The following TMEM255B variants were observed in gnomAD, a reference collection of about 807,000 sequenced individuals.
The protein encoded by TMEM255B is family with sequence similarity 70, member B.
Under a neutral mutation model 34.5 loss-of-function variants are expected in TMEM255B, and 35 were observed. That is an observed-to-expected ratio of 1.01 (90% CI 0.77 to 1.34). The LOEUF is 1.34. Among genes scored for constraint, TMEM255B ranks in the 40% most tolerant of loss-of-function variants. The pLI, the probability that TMEM255B is intolerant of heterozygous loss-of-function variation, is 0.00. For synonymous variants in TMEM255B, 206 were observed against 201.2 expected, an observed-to-expected ratio of 1.02 and a Z score of -0.20; for missense variants, 432 against 433.2, an observed-to-expected ratio of 1.00 and a Z score of 0.02.
At chr13:113,785,601 T>G (rs1005281419) in intron 3 of TMEM255B, among the ~76,000 whole-genome samples, 2 of 152,240 alleles carry the variant, frequency 1.3e-5, no homozygotes, top group African/African-American at 4.8e-5. Context: ...AACTTCTAAG[T>G]CAGCAGAAAT....
In TMEM255B at chr13:113,806,476, G is replaced by A. The variant is rs1337715297; in HGVS notation, c.813+1448G>A. Among the ~76,000 whole-genome samples, 1 of 152,124 alleles carries A rather than the reference G, an allele frequency of 6.6e-6. No individual in the cohort carries two copies. The highest frequency in any genetic ancestry group is 1.5e-5 in the Non-Finnish European group (1 of 67,994). On this transcript the variant is annotated intron_variant, in intron 8 of 8. Coordinates refer to ENST00000375353, the MANE Select transcript of TMEM255B (RefSeq NM_182614.4). This position sits in a 1 kb window ranked among gnomAD's most constrained non-coding sequence, Gnocchi z 4.2. The stretch of plus-strand genomic sequence containing the variant: ...ATACCTCAGTCTCCCCTCTCACTTC[G>A]AATATAAAGCTGGGGCCCTGCTCCC...
At chr13:113,801,904 A>T in intron 7 of TMEM255B, 92 bp downstream of exon 7, 1 of 1,370,236 alleles carries the variant, frequency 7.3e-7, no homozygotes, top group Non-Finnish European at 9.8e-7. Flanking sequence ...TCCAGCCCTC[A>T]CTTTACAGAT....
chr13:113,802,676 C>A lies in TMEM255B; in HGVS notation c.669+864C>A, dbSNP rs1463920780. 4.1e-5 allele frequency among the ~76,000 whole-genome samples: 5 copies of A among 122,040 alleles called. 1 individual carries two copies. Among genetic ancestry groups the A allele is most frequent in the Admixed American group, 2.4e-4 (3 of 12,428 alleles). 80.1% of individuals were successfully genotyped at this position (122,040 alleles called of 152,430 possible). A position where few individuals can be genotyped will look rare whatever the true frequency, so the allele number is the denominator to read the frequency against. On this transcript the variant is annotated intron_variant, in intron 7 of 8. Transcript: ENST00000375353. ...TGTCCATGACTAAAAATTAGCTCAGCTGGGAACCCTCCTGCCATCTGCTTC... is the reference window on the plus strand; with the variant it reads ...TGTCCATGACTAAAAATTAGCTCAGATGGGAACCCTCCTGCCATCTGCTTC...
intron 1 of TMEM255B, 95 bp downstream of exon 1, chr13:113,759,410 C>T (rs1293633281): frequency 1.8e-6 from 2 of 1,138,942 alleles, no homozygotes; most frequent in East Asian, 6.4e-5. Flanking sequence ...CCGGGCGGAA[C>T]CTGCGCGGAG....
intron 3 of TMEM255B, 119 bp from the exon 4 acceptor site, chr13:113,795,029 G>C: frequency 2.3e-6 from 2 of 860,714 alleles, no homozygotes; most frequent in South Asian, 3.0e-5. Flanking sequence ...AAAGGTAGAG[G>C]TGAGAAGAGG....
chr13:113,813,859 G>C lies in TMEM255B; in HGVS notation c.*1956G>C, dbSNP rs780389760. Reference sequence around the variant, plus strand: ...GGGCTGACTGGCCTTGAACCAGTCCGGGAGGTCGGGCACGAGCCGGAGGTG... The same window carrying C: ...GGGCTGACTGGCCTTGAACCAGTCCCGGAGGTCGGGCACGAGCCGGAGGTG... On this transcript the variant is annotated 3_prime_UTR_variant, in exon 9 of 9. Transcript: ENST00000375353. 6.6e-6 allele frequency: 1 copy of C among 152,210 alleles called. No individual in the cohort carries two copies. The highest frequency in any genetic ancestry group is 2.4e-5 in the African/African-American group (1 of 41,452). The allele number at this position is 152,210 out of a possible 1,614,324, so 9.4% of individuals were successfully genotyped here.
intron 5 of TMEM255B, chr13:113,799,852 GGCC>G: frequency 1.3e-6 from 1 of 759,812 alleles, no homozygotes; most frequent in Non-Finnish European, 2.1e-6. Context: ...ACCCGCGGGC[GGCC>G]GCCGCCTTCG....
chr13:113,768,938 G>A (rs772241544), intron 2 of TMEM255B, 160 bp from the exon 3 acceptor site: 4 of 743,634 alleles, frequency 5.4e-6, no homozygotes, highest in African/African-American at 3.5e-5. Flanking sequence ...GCCAGCAGAC[G>A]CACCTGCTGC....
intron 3 of TMEM255B, among the ~76,000 whole-genome samples, chr13:113,786,556 CAT>C (rs1434195291): frequency 3.9e-5 from 6 of 151,990 alleles, no homozygotes; most frequent in African/African-American, 9.7e-5. Flanking sequence ...CCATCGTCAA[CAT>C]CATCACCGTC....
At chr13:113,794,739 T>C (rs550025797) in intron 3 of TMEM255B, among the ~76,000 whole-genome samples, 20 of 152,250 alleles carry the variant, frequency 1.3e-4, no homozygotes, top group African/African-American at 4.3e-4. Context: ...CCAAGACCAT[T>C]AGGTAGGAAA....
chr13:113,782,330 G>GAAAT (rs2050676377), intron 3 of TMEM255B, among the ~76,000 whole-genome samples: 1 of 152,178 alleles, frequency 6.6e-6, no homozygotes, highest in South Asian at 2.1e-4. Flanking sequence ...CCTAAATAAT[G>GAAAT]AAATAGCTGT....
chr13:113,763,191 C>T (rs1398500526), intron 1 of TMEM255B, among the ~76,000 whole-genome samples: 4 of 152,162 alleles, frequency 2.6e-5, no homozygotes, highest in East Asian at 3.8e-4. Flanking sequence ...CTCTGAAAAT[C>T]GACACACAGC....
intron 7 of TMEM255B, among the ~76,000 whole-genome samples, chr13:113,804,111 C>T (rs931711726): frequency 2.0e-5 from 3 of 152,190 alleles, no homozygotes; most frequent in African/African-American, 7.2e-5. Context: ...TGCCCTCGGC[C>T]CAGTCCCCGC....
At chr13:113,767,054 C>T (rs1027715955) in intron 2 of TMEM255B, among the ~76,000 whole-genome samples, 5 of 152,198 alleles carry the variant, frequency 3.3e-5, no homozygotes, top group Admixed American at 1.3e-4. Context: ...CTGGTTGCTA[C>T]GTCATAAAGT....
chr13:113,790,227 C>T (rs1594143483), intron 3 of TMEM255B, among the ~76,000 whole-genome samples: 3 of 115,600 alleles, frequency 2.6e-5, no homozygotes, highest in African/African-American at 8.2e-5. Flanking sequence ...GACATCCTAG[C>T]GCTGGACTGA....
At chr13:113,795,127 A>T in intron 3 of TMEM255B, 21 bp from the exon 4 acceptor site, 1 of 1,612,990 alleles carries the variant, frequency 6.2e-7, no homozygotes, top group Non-Finnish European at 8.5e-7. Context: ...CTGGGCACCC[A>T]CACCTCTCCT....
intron 5 of TMEM255B, chr13:113,799,865 G>A (rs1026003450): frequency 3.1e-6 from 3 of 959,704 alleles, no homozygotes; most frequent in Non-Finnish European, 3.0e-6. Flanking sequence ...CGCCGCCTTC[G>A]CCAGGACCGT....
intron 1 of TMEM255B, 77 bp downstream of exon 1, chr13:113,759,392 C>A: frequency 8.4e-7 from 1 of 1,195,010 alleles, no homozygotes; most frequent in Non-Finnish European, 1.0e-6. Context: ...TACAGGTCCC[C>A]GGCCGGCCCG....
intron 3 of TMEM255B, among the ~76,000 whole-genome samples, chr13:113,784,507 CAG>C (rs1003761208): frequency 1.0e-3 from 146 of 145,256 alleles, no homozygotes; most frequent in Admixed American, 1.2e-3. Context: ...GTGAGGAAGA[CAG>C]AGAGAGAGAG....
Sources: allele counts gnomAD v4.1 joint callset (sites outside exome capture counted in the v4.1 genomes callset), GRCh38; gene constraint gnomAD v4.1.1; non-coding constraint Gnocchi (gnomAD v3.1); transcripts MANE v1.5; gene names NCBI Gene and HGNC (gene_info 2026-07-23, HGNC 2026-07-21).